CPQ: variants seen among roughly 807,000 people sequenced by gnomAD.
The protein encoded by CPQ is Ser-Met dipeptidase.
Under a neutral mutation model 45.7 loss-of-function variants are expected in CPQ, and 37 were observed. The observed-to-expected ratio is 0.81, with a 90% CI of 0.62 to 1.07. The LOEUF (loss-of-function observed/expected upper bound fraction) is 1.07. CPQ is among the 50% of genes least tolerant of loss of function. The pLI is 0.00. For missense variants in CPQ, 537 were observed against 572.9 expected, an observed-to-expected ratio of 0.94 and a Z score of 0.64; for synonymous variants, 186 against 205.8, an observed-to-expected ratio of 0.90 and a Z score of 0.82.
intron 2 of CPQ, among the ~76,000 whole-genome samples, chr8:96,819,089 A>T (rs1341961671): frequency 6.6e-6 from 1 of 151,848 alleles, no homozygotes; most frequent in East Asian, 1.9e-4. Context: ...TTTTTTTTCT[A>T]TGGAAATTCC....
At chr8:96,773,568 G>T (rs1229220635) in intron 1 of CPQ, among the ~76,000 whole-genome samples, 1 of 152,168 alleles carries the variant, frequency 6.6e-6, no homozygotes, top group African/African-American at 2.4e-5. Context: ...AAACAGCCTG[G>T]TGGGGATACG....
intron 4 of CPQ, among the ~76,000 whole-genome samples, chr8:96,923,977 T>C (rs1325185886): frequency 6.6e-6 from 1 of 152,226 alleles, no homozygotes; most frequent in Non-Finnish European, 1.5e-5. Context: ...ACTTCAGTCC[T>C]CACTGGCTAA....
At chr8:96,685,329 A>G (rs1809211735) in intron 1 of CPQ, among the ~76,000 whole-genome samples, 1 of 151,974 alleles carries the variant, frequency 6.6e-6, no homozygotes, top group South Asian at 2.1e-4. Context: ...TTTTTTATAA[A>G]CCATCTCATT....
At chr8:96,904,487 C>G (rs1393466216) in intron 4 of CPQ, among the ~76,000 whole-genome samples, 1 of 152,168 alleles carries the variant, frequency 6.6e-6, no homozygotes, top group East Asian at 1.9e-4. Flanking sequence ...GATTGCAGCT[C>G]TGACTTATCA....
chr8:96,908,743 A>ATG (rs1436102158), intron 4 of CPQ, among the ~76,000 whole-genome samples: 6 of 96,054 alleles, frequency 6.2e-5, no homozygotes, highest in East Asian at 3.1e-4. Flanking sequence ...TTTTATACAC[A>ATG]TGCGCACACA....
At chr8:97,141,656 C>T (rs1812167064) in intron 7 of CPQ, among the ~76,000 whole-genome samples, 2 of 152,056 alleles carry the variant, frequency 1.3e-5, no homozygotes, top group African/African-American at 4.8e-5. Context: ...GCCCAGCAAA[C>T]CACTCCTACA....
intron 5 of CPQ, among the ~76,000 whole-genome samples, chr8:96,996,204 G>A (rs1485089707): frequency 1.3e-5 from 2 of 151,976 alleles, no homozygotes; most frequent in South Asian, 2.1e-4. Flanking sequence ...AGGGAAGGTG[G>A]AAGTCTTCTC....
chr8:97,021,902 C>A (rs1474639464), intron 5 of CPQ, among the ~76,000 whole-genome samples: 3 of 151,774 alleles, frequency 2.0e-5, no homozygotes. Context: ...CATACAGAAC[C>A]AAAAAAAGAG....
chr8:97,107,401 G>A (rs1038384418), intron 7 of CPQ, among the ~76,000 whole-genome samples: 1 of 152,220 alleles, frequency 6.6e-6, no homozygotes, highest in African/African-American at 2.4e-5. Context: ...ACTCTGAAGG[G>A]TGTGCTTGTG....
chr8:96,908,534 T>C (rs1238305534), intron 4 of CPQ, among the ~76,000 whole-genome samples: 1 of 152,038 alleles, frequency 6.6e-6, no homozygotes, highest in African/African-American at 2.4e-5. Context: ...TGAACTACAA[T>C]GAGATGAAAT....
At chr8:96,790,893 A>G in intron 2 of CPQ, among the ~76,000 whole-genome samples, 1 of 152,178 alleles carries the variant, frequency 6.6e-6, no homozygotes, top group East Asian at 1.9e-4. Context: ...ATGCTGGAAG[A>G]ATCACTGGGA....
chr8:96,733,620 G>A (rs1472241760), intron 1 of CPQ, among the ~76,000 whole-genome samples: 2 of 152,028 alleles, frequency 1.3e-5, no homozygotes, highest in Non-Finnish European at 2.9e-5. Flanking sequence ...ATCACATTAA[G>A]AAAAGAAACA....
At chr8:97,044,623 T>C (rs1314384097) in intron 6 of CPQ, among the ~76,000 whole-genome samples, 5 of 152,228 alleles carry the variant, frequency 3.3e-5, no homozygotes, top group Non-Finnish European at 7.3e-5. Flanking sequence ...TTTTATCTAC[T>C]TTTGTTCTTT....
chr8:97,007,633 G>A (rs977757468), intron 5 of CPQ, among the ~76,000 whole-genome samples: 1 of 152,098 alleles, frequency 6.6e-6, no homozygotes, highest in Non-Finnish European at 1.5e-5. Flanking sequence ...TTTTCAAAGT[G>A]GATTGTGATT....
chr8:96,879,174 C>A (rs948663102), intron 3 of CPQ, among the ~76,000 whole-genome samples: 6 of 152,122 alleles, frequency 3.9e-5, no homozygotes, highest in Non-Finnish European at 7.4e-5. Flanking sequence ...TCCTTTAGTG[C>A]CAAAAGTATA....
chr8:97,070,073 T>C (rs1403640995), intron 7 of CPQ, among the ~76,000 whole-genome samples: 1 of 152,210 alleles, frequency 6.6e-6, no homozygotes, highest in East Asian at 1.9e-4. Flanking sequence ...AAAGATTTTC[T>C]TTAAAAGTAT....
At chr8:96,739,831 T>C (rs1810055515) in intron 1 of CPQ, among the ~76,000 whole-genome samples, 1 of 151,230 alleles carries the variant, frequency 6.6e-6, no homozygotes, top group Non-Finnish European at 1.5e-5. Flanking sequence ...ATCTCTGTTT[T>C]GGTACCAGTA....
intron 1 of CPQ, among the ~76,000 whole-genome samples, chr8:96,719,439 G>A (rs921333640): frequency 2.6e-5 from 4 of 152,188 alleles, no homozygotes; most frequent in South Asian, 2.1e-4. Context: ...AGCACCGCAC[G>A]CAGTCCCGGT....
intron 3 of CPQ, among the ~76,000 whole-genome samples, chr8:96,849,465 G>C (rs934277963): frequency 2.6e-5 from 4 of 152,086 alleles, no homozygotes; most frequent in African/African-American, 9.7e-5. Flanking sequence ...GTAGTCCCGG[G>C]ACACATTCCT....
Sources: gnomAD v4.1 joint callset for allele counts (sites outside exome capture counted in the v4.1 genomes callset) on GRCh38, gnomAD v4.1.1 for gene constraint, MANE v1.5 for transcripts, NCBI Gene and HGNC (gene_info 2026-07-23, HGNC 2026-07-21) for gene names.